The following IGSF22 variants were observed in gnomAD, a reference collection of about 807,000 sequenced individuals.
IGSF22 encodes immunoglobulin superfamily, member 22.
In IGSF22, 119 loss-of-function variants were observed where a neutral mutation model predicts 127.0. That is an observed-to-expected ratio of 0.94 (90% CI 0.81 to 1.09). The LOEUF is 1.09. Ranked by LOEUF, IGSF22 falls within the 50% of genes least tolerant of loss-of-function variation. The pLI is 0.00. For missense variants in IGSF22, 1,518 were observed against 1,716.6 expected (o/e 0.88, Z 2.04); for synonymous variants, 568 against 664.7 (o/e 0.85, Z 2.24).
intron 14 of IGSF22, among the ~76,000 whole-genome samples, chr11:18,712,732 C>T (rs947425739): frequency 2.6e-4 from 39 of 152,224 alleles, no homozygotes; most frequent in African/African-American, 4.8e-5. Context: ...GTTATAATTA[C>T]AGTCTGTCTA....
intron 22 of IGSF22, 98 bp downstream of exon 22, chr11:18,705,719 T>TA: frequency 9.2e-7 from 1 of 1,085,012 alleles, no homozygotes; most frequent in Non-Finnish European, 1.3e-6. Flanking sequence ...GCAGTCAGAT[T>TA]AAAAAACGGT....
chr11:18,706,239 G>A, intron 21 of IGSF22, 93 bp from the exon 22 acceptor site: 1 of 1,208,548 alleles, frequency 8.3e-7, no homozygotes. Flanking sequence ...GAACCCCGAG[G>A]ACCTAGGCCA....
intron 14 of IGSF22, among the ~76,000 whole-genome samples, chr11:18,713,151 CT>C (rs11364796): frequency 0.58 from 68,232 of 117,354 alleles, 18,970 homozygotes; most frequent in African/African-American, 0.65. Flanking sequence ...GTTGTTGTTT[CT>C]TTTTTTTTTT....
Position 18,710,782 on chromosome 11 carries a change from T to G in IGSF22, c.2445A>C (p.Lys815Asn). 1.2e-6 allele frequency: 2 copies of G among 1,614,154 alleles called. No homozygotes were observed. The highest frequency in any genetic ancestry group is 1.7e-6 in the Non-Finnish European group (2 of 1,179,968). Residue 815 changes from lysine to asparagine, a missense_variant, in exon 16 of 23, where the codon AAA becomes AAC. Physicochemically the swap from Lys to Asn is moderately conservative, Grantham distance 94. This residue lies in a region of IGSF22 where 1,456 missense variants were observed against 1,644.9 expected (regional missense o/e 0.89). Transcript: ENST00000513874. ...CATTCCACGTGATGGTCACGGCTTC[T>G]TTAGTCACATCAGTCACTTGAGGCT... ...ASQPQVTDVT[K>N]EAVTITWNAP...
At chr11:18,706,696 G>T in intron 21 of IGSF22, 1 of 476,380 alleles carries the variant, frequency 2.1e-6, no homozygotes, top group South Asian at 4.0e-5. Context: ...CGTCCTCTCT[G>T]CCCCCAAAGG....
intron 14 of IGSF22, 129 bp downstream of exon 14, chr11:18,713,723 G>T: frequency 1.3e-6 from 1 of 758,684 alleles, no homozygotes; most frequent in Non-Finnish European, 2.1e-6. Flanking sequence ...TGCAAAGCCA[G>T]CCTTCTAGGC....
chr11:18,721,711 C>G, intron 3 of IGSF22, 40 bp from the exon 4 acceptor site: 1 of 1,611,848 alleles, frequency 6.2e-7, no homozygotes. Flanking sequence ...TCTTAGCCAC[C>G]AGGCTAGAGC....
chr11:18,724,164 C>A lies in IGSF22; in HGVS notation c.73G>T (p.Val25Leu), dbSNP rs181361635. The A allele has an allele frequency of 9.3e-6, 15 of 1,613,954 alleles. No individual in the cohort carries two copies. In the African/African-American group the frequency reaches 1.5e-4, roughly 16 times the overall value. Residue 25 changes from valine to leucine, a missense_variant, in exon 2 of 23, where the codon GTG (valine) becomes TTG (leucine). Coordinates refer to ENST00000513874, the MANE Select transcript of IGSF22 (RefSeq NM_173588.4). ...SMEFSSSTTH[V>L]QTFSQTTKIV... ...TTGGTTGTCTGGGAGAAGGTCTGCA[C>A]GTGGGTGGTGGAGCTGGAGAACTCC... is the stretch of plus-strand genomic sequence containing the variant.
chr11:18,707,864 G>C lies in IGSF22; in HGVS notation c.3220C>G (p.Arg1074Gly). ...STKRSDSGVY[R>G]ILLQNEFGEA... The stretch of plus-strand genomic sequence containing the variant: ...CCAAACTCATTCTGAAGCAAGATTC[G>C]GTACACCCCTGAGTCAGAGCGCTTG... Residue 1074 changes from arginine (R) to glycine (G), a missense_variant, in exon 20 of 23, where the codon CGA becomes GGA. By Grantham distance (125) the Arg-to-Gly change is moderately radical. This residue lies in a region of IGSF22 where 1,456 missense variants were observed against 1,644.9 expected (regional missense o/e 0.89). Transcript: ENST00000513874. 5 of 1,613,888 alleles carry C rather than the reference G, an allele frequency of 3.1e-6. No homozygotes were observed. The South Asian group carries it at 3.3e-5, about 11-fold the overall frequency.
rs745472542 is a variant in IGSF22 at position 18,724,232 on chromosome 11, G to C, written c.5C>G (p.Thr2Arg). 6.2e-7 allele frequency: 1 copy of C among 1,613,480 alleles called. No homozygotes were observed. The highest frequency in any genetic ancestry group is 8.5e-7 in the Non-Finnish European group (1 of 1,179,476). The change falls in exon 2 of 23, where the codon ACA becomes AGA. Residue 2 changes from threonine (T) to arginine (R), a missense_variant. Physicochemically the swap from Thr to Arg is moderately conservative, Grantham distance 71. Around this residue, in one of 3 missense-constraint regions of IGSF22, gnomAD observed 1,456 missense variants for 1,644.9 expected, o/e 0.89. Coordinates refer to ENST00000513874, the MANE Select transcript of IGSF22 (RefSeq NM_173588.4). ...CAGCATCTGCCGGCTGTGAATGGTT[G>C]TCATGGTGACAGCAGGCGTGGGCAC... is the stretch of plus-strand genomic sequence containing the variant. The part of the protein sequence containing the change: M[T>R]TIHSRQMLQE...
Position 18,723,814 on chromosome 11 carries a change from C to T in IGSF22, c.109+314G>A, listed in dbSNP as rs141179397. On this transcript the variant is annotated intron_variant, in intron 2 of 22. Coordinates refer to ENST00000513874, the MANE Select transcript of IGSF22 (RefSeq NM_173588.4). Reference sequence around the variant, plus strand: ...AATTTCCCCTATGCCTGAAATTCTACCTTTGGAGATAGAATCTGTTCACCT... The same window carrying T: ...AATTTCCCCTATGCCTGAAATTCTATCTTTGGAGATAGAATCTGTTCACCT... Among the ~76,000 whole-genome samples the T allele has an allele frequency of 7.1e-3, 1,087 of 152,328 alleles. 4 individuals are homozygous for T. Among genetic ancestry groups the T allele is most frequent in the Non-Finnish European group, 9.8e-3 (668 of 68,026 alleles).
In IGSF22 at chr11:18,716,807, C is replaced by A; in HGVS notation, c.1167G>T (p.Lys389Asn). Residue 389 changes from lysine (K) to asparagine (N), a missense_variant, in exon 10 of 23, where the codon AAG (lysine) becomes AAT (asparagine). Lys to Asn is a moderately conservative substitution (Grantham distance 94). Coordinates refer to ENST00000513874, the MANE Select transcript of IGSF22 (RefSeq NM_173588.4). The surrounding 1 kb of genome is among the most constrained non-coding windows in gnomAD (Gnocchi z 4.5). ...EDGLTHTLKI[K>N]DARLSDSGEF... The stretch of plus-strand genomic sequence containing the variant: ...CGCCGCTGTCACTGAGTCTGGCATC[C>A]TTAATCTTAAGCGTGTGCGTCAGAC... 1 of 1,614,244 alleles carries A rather than the reference C, an allele frequency of 6.2e-7. No individual in the cohort carries two copies. Among genetic ancestry groups the A allele is most frequent in the African/African-American group, 1.3e-5 (1 of 75,058 alleles).
chr11:18,719,854 T>C lies in IGSF22; in HGVS notation c.558A>G (p.Ala186=), dbSNP rs1339771404. The stretch of plus-strand genomic sequence containing the variant: ...AAATCTCCAGCATCTCTTTCTCATT[T>C]GCCACCTTCTTCTGCTTCTTCTTGG... ...PAPKKKQKKV[A]NEKEMLEILS... is the part of the protein sequence containing the mutation. Residue 186 remains alanine, a synonymous_variant, in exon 7 of 23, where the codon GCA becomes GCG. Transcript: ENST00000513874. The C allele has an allele frequency of 6.2e-7, 1 of 1,614,210 alleles. No individual in the cohort carries two copies. The highest frequency in any genetic ancestry group is 8.5e-7 in the Non-Finnish European group (1 of 1,180,034).
At position 18,709,700 on chromosome 11, in the gene IGSF22, A is replaced by T. The variant is rs370073936; in HGVS notation, c.2702-17T>A. On this transcript the variant is annotated splice_polypyrimidine_tract_variant and intron_variant, in intron 17 of 22. Coordinates refer to ENST00000513874, the MANE Select transcript of IGSF22 (RefSeq NM_173588.4). This position sits in a 1 kb window ranked among gnomAD's most constrained non-coding sequence, Gnocchi z 4.8. Reference sequence around the variant, plus strand: ...CTGGGGGTTCTGGGGTAGAACAGACATGTAGTCAGCCCCTCCAACTCATCT... The same window carrying T: ...CTGGGGGTTCTGGGGTAGAACAGACTTGTAGTCAGCCCCTCCAACTCATCT... The T allele has an allele frequency of 1.9e-5, 31 of 1,607,364 alleles. No homozygotes were observed. The African/African-American group carries it at 3.6e-4, about 19-fold the overall frequency.
rs1336351622 is a variant in IGSF22, at chr11:18,704,395, C to G, written c.*73G>C. Reference sequence around the variant, plus strand: ...CAGAGAGCAAACTGGGCTTCCTACACTGGGCCATGCAGAGGACAGGCCAAG... The same window carrying G: ...CAGAGAGCAAACTGGGCTTCCTACAGTGGGCCATGCAGAGGACAGGCCAAG... On this transcript the variant is annotated 3_prime_UTR_variant, in exon 23 of 23. Coordinates refer to ENST00000513874, the MANE Select transcript of IGSF22 (RefSeq NM_173588.4). 1 of 987,208 alleles carries G rather than the reference C, an allele frequency of 1.0e-6. No individual in the cohort carries two copies. Among genetic ancestry groups the G allele is most frequent in the Admixed American group, 2.1e-5 (1 of 47,988 alleles). The allele number at this position is 987,208 out of a possible 1,614,324, so 61.2% of individuals were successfully genotyped here.
chr11:18,709,471 A>G lies in IGSF22; in HGVS notation c.2914T>C (p.Phe972Leu), dbSNP rs764375324. The change falls in exon 18 of 23, where the codon TTC (phenylalanine) becomes CTC (leucine). Residue 972 changes from phenylalanine to leucine, a missense_variant. Phe to Leu is a conservative substitution (Grantham distance 22). Around this residue, in one of 3 missense-constraint regions of IGSF22, gnomAD observed 1,456 missense variants for 1,644.9 expected, o/e 0.89. Transcript: ENST00000513874. The surrounding 1 kb of genome is among the most constrained non-coding windows in gnomAD (Gnocchi z 4.8). Reference sequence around the variant, plus strand: ...TCATTCACAGCCCGGATTCGGAAGAAGTATTTCTGCCTCTCGATGAGTCCT... The same window carrying G: ...TCATTCACAGCCCGGATTCGGAAGAGGTATTTCTGCCTCTCGATGAGTCCT... ...VGGLIERQKYFFRIRAVNEAG... is the reference protein window; with the variant it reads ...VGGLIERQKYLFRIRAVNEAG... 3 of 1,614,154 alleles carry G rather than the reference A, an allele frequency of 1.9e-6. No individual in the cohort carries two copies. The highest frequency in any genetic ancestry group is 2.5e-6 in the Non-Finnish European group (3 of 1,180,038).
Position 18,709,823 on chromosome 11 carries a change from T to A in IGSF22, c.2702-140A>T. The stretch of plus-strand genomic sequence containing the variant: ...TCCCTCAGTTAACACCCTTAGTACC[T>A]AGCCTTATACACTCAACCTCCAAAT... On this transcript the variant is annotated intron_variant, in intron 17 of 22. Transcript: ENST00000513874. This position sits in a 1 kb window ranked among gnomAD's most constrained non-coding sequence, Gnocchi z 4.8. 1 of 802,116 alleles carries A rather than the reference T, an allele frequency of 1.2e-6. No individual in the cohort carries two copies. Among genetic ancestry groups the A allele is most frequent in the Non-Finnish European group, 1.9e-6 (1 of 515,356 alleles). The allele number at this position is 802,116 out of a possible 1,614,324, so 49.7% of individuals were successfully genotyped here.
chr11:18,718,047 A>T lies in IGSF22; in HGVS notation c.857T>A (p.Val286Glu). ...RIQYSLGKYDVKQMGTKYMLV... is the reference protein window; with the variant it reads ...RIQYSLGKYDEKQMGTKYMLV... ...CATGTACTTGGTGCCCATCTGCTTC[A>T]CATCGTACTTGCCCAGGGAGTACTG... The change falls in exon 9 of 23, where the codon GTG becomes GAG. Residue 286 changes from valine to glutamate, a missense_variant. Val to Glu is a moderately radical substitution (Grantham distance 121). This residue lies in a region of IGSF22 where 1,456 missense variants were observed against 1,644.9 expected (regional missense o/e 0.89). Coordinates refer to ENST00000513874, the MANE Select transcript of IGSF22 (RefSeq NM_173588.4). The T allele has an allele frequency of 6.2e-7, 1 of 1,614,208 alleles. No homozygotes were observed. Among genetic ancestry groups the T allele is most frequent in the Non-Finnish European group, 8.5e-7 (1 of 1,180,038 alleles).
At chr11:18,715,331 G>C (rs1186493392) in intron 11 of IGSF22, 101 bp downstream of exon 11, 1 of 1,249,624 alleles carries the variant, frequency 8.0e-7, no homozygotes, top group African/African-American at 1.5e-5. Context: ...ATGGTCTACA[G>C]GAGGGTTGGA....
Sources: allele counts gnomAD v4.1 joint callset (sites outside exome capture counted in the v4.1 genomes callset), GRCh38; gene constraint gnomAD v4.1.1; regional missense constraint gnomAD v4.1.1; non-coding constraint Gnocchi (gnomAD v3.1); transcripts MANE v1.5; gene names NCBI Gene and HGNC (gene_info 2026-07-23, HGNC 2026-07-21).